NKX2-1: variants seen among roughly 807,000 people sequenced by gnomAD.
NKX2-1 encodes NK2 homeobox 1, also known as homeobox protein Nkx-2.1.
Under a neutral mutation model 35.1 loss-of-function variants are expected in NKX2-1, and 9 were observed. The ratio of observed to expected loss-of-function variants is 0.26; its 90% confidence interval spans 0.15 to 0.45. The LOEUF (loss-of-function observed/expected upper bound fraction) is 0.45, where lower values mean the gene tolerates loss of function less well. NKX2-1 is among the 20% of genes least tolerant of loss of function. The probability of loss-of-function intolerance (pLI) is 1.00; values close to 1 mark genes in which losing one functional copy is unlikely to be tolerated. For missense variants in NKX2-1, 509 were observed against 589.1 expected (o/e 0.86, Z 1.41); for synonymous variants, 284 against 269.9 (o/e 1.05, Z -0.51).
intron 1 of NKX2-1, chr14:36,519,747 C>T: frequency 6.8e-7 from 1 of 1,480,804 alleles, no homozygotes; most frequent in Non-Finnish European, 9.0e-7. Flanking sequence ...GAGGCAGAGA[C>T]GAGACCCAAA....
intron 1 of NKX2-1, chr14:36,519,786 AC>A (rs909419070): frequency 7.0e-7 from 1 of 1,423,478 alleles, no homozygotes. Context: ...GGACACCCCC[AC>A]CCCCATTTTT....
rs1342797975 is a variant in NKX2-1, at chr14:36,517,335, C to G, written c.1149G>C (p.Ser383=). The change falls in exon 3 of 3, where the codon TCG becomes TCC. Residue 383 remains serine, a synonymous_variant. Transcript: ENST00000354822. Reference sequence around the variant, plus strand: ...AGGACATGGTGCCGTAGTCCGAGCCCGAGGAGTTCAGGTGGGACAGGCTGG... The same window carrying G: ...AGGACATGGTGCCGTAGTCCGAGCCGGAGGAGTTCAGGTGGGACAGGCTGG... ...QVSSLSHLNS[S]GSDYGTMSCS... 3.7e-6 allele frequency: 6 copies of G among 1,611,900 alleles called. No homozygotes were observed. Among genetic ancestry groups the G allele is most frequent in the Non-Finnish European group, 8.5e-7 (1 of 1,179,674 alleles).
rs1566614618 is a variant in NKX2-1 at position 36,517,133 on chromosome 14, T to G, written c.*145A>C. The G allele has an allele frequency of 7.2e-7, 1 of 1,388,004 alleles. No individual in the cohort carries two copies. The highest frequency in any genetic ancestry group is 2.9e-5 in the Admixed American group (1 of 34,954). 86.0% of individuals were successfully genotyped at this position (1,388,004 alleles called of 1,614,324 possible). ...AAGACGTCCAGCAGTTTGGCCTTTG[T>G]GGTTTTTTTGTTCCTTGGTCTAAAC... On this transcript the variant is annotated 3_prime_UTR_variant, in exon 3 of 3. Coordinates refer to ENST00000354822, the MANE Select transcript of NKX2-1 (RefSeq NM_001079668.3).
At position 36,517,668 on chromosome 14, in the gene NKX2-1, G is replaced by A. The variant is rs886050483; in HGVS notation, c.816C>T (p.Thr272=). ...DSGGGGGGGG[T]GCPQQQQAQQ... is the part of the protein sequence containing the mutation. ...GAGCCTGTTGCTGCTGCGGGCACCC[G>A]GTGCCCCCGCCGCCCCCGCCGCCGC... is the stretch of plus-strand genomic sequence containing the variant. The change falls in exon 3 of 3, where the codon ACC becomes ACT. Residue 272 remains threonine, a synonymous_variant. Coordinates refer to ENST00000354822, the MANE Select transcript of NKX2-1 (RefSeq NM_001079668.3). The A allele has an allele frequency of 3.2e-6, 5 of 1,550,900 alleles. No individual in the cohort carries two copies. In the African/African-American group the frequency reaches 5.5e-5, roughly 17 times the overall value.
chr14:36,517,033 T>G lies in NKX2-1; in HGVS notation c.*245A>C. 1.4e-6 allele frequency: 1 copy of G among 712,724 alleles called. No homozygotes were observed. Among genetic ancestry groups the G allele is most frequent in the Non-Finnish European group, 2.2e-6 (1 of 458,032 alleles). The allele number at this position is 712,724 out of a possible 1,614,324, so 44.1% of individuals were successfully genotyped here. A position where few individuals can be genotyped will look rare whatever the true frequency, so the allele number is the denominator to read the frequency against. On this transcript the variant is annotated 3_prime_UTR_variant, in exon 3 of 3. Transcript: ENST00000354822. ...TCTCTGCTTAAAGATTCCTTGAGAT[T>G]GGATGCGCTTGGTTGTTTTTCATTT...
At position 36,517,235 on chromosome 14, in the gene NKX2-1, G is replaced by A. The variant is rs751924922; in HGVS notation, c.*43C>T. The stretch of plus-strand genomic sequence containing the variant: ...GGTCTGTGTGGCGGGCAGGAGGGAA[G>A]CGGTGAGGCAGAGCGCTGGGCTAGG... On this transcript the variant is annotated 3_prime_UTR_variant, in exon 3 of 3. Coordinates refer to ENST00000354822, the MANE Select transcript of NKX2-1 (RefSeq NM_001079668.3). The A allele has an allele frequency of 1.3e-6, 2 of 1,574,414 alleles. No homozygotes were observed. Among genetic ancestry groups the A allele is most frequent in the Admixed American group, 3.8e-5 (2 of 52,442 alleles).
Position 36,517,708 on chromosome 14 carries a change from A to T in NKX2-1, c.776T>A (p.Leu259Gln), listed in dbSNP as rs539786671. The stretch of plus-strand genomic sequence containing the variant: ...CCCGCCGCCGCCGCTGTCCTGCTGC[A>T]GTTGCTGCTGCGCCGCCTTGTCCTT... ...QAKDKAAQQQ[L>Q]QQDSGGGGGG... The change falls in exon 3 of 3, where the codon CTG (leucine) becomes CAG (glutamine). Residue 259 changes from leucine to glutamine, a missense_variant. Transcript: ENST00000354822. 113 of 1,595,594 alleles carry T rather than the reference A, an allele frequency of 7.1e-5. 2 individuals carry two copies. In the South Asian group the frequency reaches 1.2e-3, roughly 17 times the overall value.
Position 36,516,545 on chromosome 14 carries a change from C to G in NKX2-1, c.*733G>C, listed in dbSNP as rs1325438432. 1.3e-5 allele frequency: 3 copies of G among 233,024 alleles called. No homozygotes were observed. The highest frequency in any genetic ancestry group is 1.7e-5 in the Non-Finnish European group (2 of 117,824). The allele number at this position is 233,024 out of a possible 1,614,324, so 14.4% of individuals were successfully genotyped here. On this transcript the variant is annotated 3_prime_UTR_variant, in exon 3 of 3. Transcript: ENST00000354822. Reference sequence around the variant, plus strand: ...TGCCAAATAATATACACAGATTTGTCAATGCCCATAAAAAATGTGAAGGGC... The same window carrying G: ...TGCCAAATAATATACACAGATTTGTGAATGCCCATAAAAAATGTGAAGGGC...
Position 36,520,160 on chromosome 14 carries a change from A to G in NKX2-1, c.-31T>C. The stretch of plus-strand genomic sequence containing the variant: ...TTCGCTGCGCTGAGCCCCAGTCGCC[A>G]ACAAATGAGCGAGCGAGTCTGGGGA... On this transcript the variant is annotated 5_prime_UTR_variant, in exon 1 of 3. Coordinates refer to ENST00000354822, the MANE Select transcript of NKX2-1 (RefSeq NM_001079668.3). 2 of 1,611,618 alleles carry G rather than the reference A, an allele frequency of 1.2e-6. No individual in the cohort carries two copies. The highest frequency in any genetic ancestry group is 2.2e-5 in the South Asian group (2 of 90,846).
chr14:36,519,016 G>A lies in NKX2-1; in HGVS notation c.432C>T (p.Tyr144=), dbSNP rs775015070. 6.3e-7 allele frequency: 1 copy of A among 1,584,564 alleles called. No homozygotes were observed. The highest frequency in any genetic ancestry group is 8.5e-7 in the Non-Finnish European group (1 of 1,172,202). The change falls in exon 2 of 3, where the codon TAC becomes TAT. Residue 144 remains tyrosine (Y), a synonymous_variant. Transcript: ENST00000354822. ...GGAAGCGCGGGTCTGGGTTGGCGCCGTACCATCCGGGGCCAGAGGCGCTGT... is the reference window on the plus strand; with the variant it reads ...GGAAGCGCGGGTCTGGGTTGGCGCCATACCATCCGGGGCCAGAGGCGCTGT... ...MRNSASGPGW[Y]GANPDPRFPA...
chr14:36,518,754 G>A (rs1881184748), intron 2 of NKX2-1, among the ~76,000 whole-genome samples: 1 of 152,156 alleles, frequency 6.6e-6, no homozygotes, highest in African/African-American at 2.4e-5. Context: ...AGGAGACGCC[G>A]AGTACCCGCA....
rs1348962059 is a variant in NKX2-1, at chr14:36,517,603, A to T, written c.881T>A (p.Val294Glu). The stretch of plus-strand genomic sequence containing the variant: ...CGCCTGGCACGGTTTGCCGTCTTTC[A>T]CCAGGACCGGCACCGCCACGCGTCG... ...SPRRVAVPVL[V>E]KDGKPCQAGA... The change falls in exon 3 of 3, where the codon GTG becomes GAG. Residue 294 changes from valine to glutamate, a missense_variant. Physicochemically the swap from Val to Glu is moderately radical, Grantham distance 121. Transcript: ENST00000354822. 7.8e-6 allele frequency: 12 copies of T among 1,529,748 alleles called. No homozygotes were observed. Among genetic ancestry groups the T allele is most frequent in the African/African-American group, 1.4e-5 (1 of 71,946 alleles). 94.8% of individuals were successfully genotyped at this position (1,529,748 alleles called of 1,614,324 possible).
chr14:36,516,974 CA>C lies in NKX2-1; in HGVS notation c.*303del, dbSNP rs894564701. ...AGCGTGGAAAACCCATTTGAATCAC[CA>C]AAAAAAGACACCCCAAAGCTGTTTT... On this transcript the variant is annotated 3_prime_UTR_variant, in exon 3 of 3. Coordinates refer to ENST00000354822, the MANE Select transcript of NKX2-1 (RefSeq NM_001079668.3). The C allele has an allele frequency of 1.0e-4, 47 of 447,900 alleles. No individual in the cohort carries two copies. The highest frequency in any genetic ancestry group is 1.0e-4 in the African/African-American group (5 of 49,928). 27.7% of individuals were successfully genotyped at this position (447,900 alleles called of 1,614,324 possible).
At position 36,519,097 on chromosome 14, in the gene NKX2-1, G is replaced by T; in HGVS notation, c.351C>A (p.Cys117Ter). The change falls in exon 2 of 3, where the codon TGC becomes TGA. Residue 117 changes from cysteine to a stop codon, truncating the protein, a stop_gained. Coordinates refer to ENST00000354822, the MANE Select transcript of NKX2-1 (RefSeq NM_001079668.3). LOFTEE classifies it high-confidence loss of function. Reference protein sequence around the residue: ...QLSHSAVGGYCNGNLGNMSEL... With the variant: ...QLSHSAVGGY ...CGCTCATGTTGCCCAGGTTGCCGTT[G>T]CAGTAGCCCCCCACGGCGGAGTGCG... The T allele has an allele frequency of 6.2e-7, 1 of 1,603,596 alleles. No individual in the cohort carries two copies.
At position 36,517,483 on chromosome 14, in the gene NKX2-1, A is replaced by G; in HGVS notation, c.1001T>C (p.Ile334Thr). ...GCCGGCGCCACCGCTGCCCACGGAGATGGCCGCTGCCGCCGCCTGCGCGGC... is the reference window on the plus strand; with the variant it reads ...GCCGGCGCCACCGCTGCCCACGGAGGTGGCCGCTGCCGCCGCCTGCGCGGC... ...AQAAQAAAAA[I>T]SVGSGGAGLG... Residue 334 changes from isoleucine to threonine, a missense_variant, in exon 3 of 3, where the codon ATC (isoleucine) becomes ACC (threonine). By Grantham distance (89) the Ile-to-Thr change is moderately conservative (BLOSUM62 -1). Around this residue, in one of 5 missense-constraint regions of NKX2-1, gnomAD observed 212 missense variants for 227.7 expected, o/e 0.93. Transcript: ENST00000354822. The G allele has an allele frequency of 1.0e-5, 14 of 1,365,006 alleles. No individual in the cohort carries two copies. The highest frequency in any genetic ancestry group is 1.2e-5 in the Non-Finnish European group (13 of 1,064,392). The allele number at this position is 1,365,006 out of a possible 1,614,324, so 84.6% of individuals were successfully genotyped here.
chr14:36,517,206 T>A lies in NKX2-1; in HGVS notation c.*72A>T. On this transcript the variant is annotated 3_prime_UTR_variant, in exon 3 of 3. Transcript: ENST00000354822. ...TCGAAGCGCGTGGAGCAGCGGTGGATGGTGGTCTGTGTGGCGGGCAGGAGG... is the reference window on the plus strand; with the variant it reads ...TCGAAGCGCGTGGAGCAGCGGTGGAAGGTGGTCTGTGTGGCGGGCAGGAGG... 6.4e-7 allele frequency: 1 copy of A among 1,560,564 alleles called. No individual in the cohort carries two copies. Among genetic ancestry groups the A allele is most frequent in the Non-Finnish European group, 8.7e-7 (1 of 1,153,518 alleles).
chr14:36,519,391 AG>A (rs1324239860), intron 1 of NKX2-1, 21 bp from the exon 2 acceptor site: 18 of 1,612,346 alleles, frequency 1.1e-5, no homozygotes, highest in Non-Finnish European at 1.5e-5. Context: ...AAGGAAGAGG[AG>A]GAAAAAAAAG....
At position 36,517,402 on chromosome 14, in the gene NKX2-1, G is replaced by T; in HGVS notation, c.1082C>A (p.Ala361Glu). Residue 361 changes from alanine (A) to glutamate (E), a missense_variant, in exon 3 of 3, where the codon GCG becomes GAG. Physicochemically the swap from Ala to Glu is moderately radical, Grantham distance 107. Around this residue, in one of 5 missense-constraint regions of NKX2-1, gnomAD observed 212 missense variants for 227.7 expected, o/e 0.93. Coordinates refer to ENST00000354822, the MANE Select transcript of NKX2-1 (RefSeq NM_001079668.3). ...PGSAGQSPDL[A>E]HHAASPAALQ... is the part of the protein sequence containing the mutation. ...CGCCGCGGGGCTGGCGGCGTGGTGC[G>T]CCAGGTCCGGAGACTGGCCTGCGCT... 6.3e-7 allele frequency: 1 copy of T among 1,593,096 alleles called. No homozygotes were observed. The highest frequency in any genetic ancestry group is 8.5e-7 in the Non-Finnish European group (1 of 1,172,322).
In NKX2-1 at chr14:36,519,356, A is replaced by G; in HGVS notation, c.92T>C (p.Met31Thr). 6.2e-7 allele frequency: 1 copy of G among 1,613,016 alleles called. No homozygotes were observed. The highest frequency in any genetic ancestry group is 8.5e-7 in the Non-Finnish European group (1 of 1,180,012). ...SPGRLSRRRI[M>T]SMSPKHTTPF... ...AGTCGTGTGCTTTGGACTCATCGACATGATTCGGCGGCGGCTGGAGGAGGA... is the reference window on the plus strand; with the variant it reads ...AGTCGTGTGCTTTGGACTCATCGACGTGATTCGGCGGCGGCTGGAGGAGGA... Residue 31 changes from methionine to threonine, a missense_variant, in exon 2 of 3, where the codon ATG becomes ACG. Met to Thr is a moderately conservative substitution (Grantham distance 81). Around this residue, in one of 5 missense-constraint regions of NKX2-1, gnomAD observed 271 missense variants for 284.1 expected, o/e 0.95. Transcript: ENST00000354822.
Sources: allele counts gnomAD v4.1 joint callset (sites outside exome capture counted in the v4.1 genomes callset), GRCh38; gene constraint gnomAD v4.1.1; regional missense constraint gnomAD v4.1.1; transcripts MANE v1.5; gene names NCBI Gene and HGNC (gene_info 2026-07-23, HGNC 2026-07-21).